The following WWOX variants were observed in gnomAD, a reference collection of about 807,000 sequenced individuals.
WWOX encodes WW domain-containing oxidoreductase.
In WWOX, 69 loss-of-function variants were observed where a neutral mutation model predicts 46.2. The observed-to-expected ratio is 1.49, with a 90% confidence interval of 1.23 to 1.82. The LOEUF is 1.82. Among genes scored for constraint, WWOX ranks in the 40% most tolerant of loss-of-function variants. The pLI is 0.00. For missense variants in WWOX, 919 were observed against 542.6 expected (o/e 1.69, Z -6.89); for synonymous variants, 359 against 202.6 (o/e 1.77, Z -6.56).
At chr16:78,554,673 T>C (rs1223595676) in intron 8 of WWOX, among the ~76,000 whole-genome samples, 1 of 152,172 alleles carries the variant, frequency 6.6e-6, no homozygotes, top group Non-Finnish European at 1.5e-5. Context: ...GCTTTTAAAA[T>C]GCTGCAGTTG....
At chr16:78,624,025 A>G (rs924753911) in intron 8 of WWOX, among the ~76,000 whole-genome samples, 1 of 152,188 alleles carries the variant, frequency 6.6e-6, no homozygotes, top group African/African-American at 2.4e-5. Context: ...ATAGATGAGG[A>G]AAGTAAGAAC....
At chr16:78,895,467 A>G (rs999557380) in intron 8 of WWOX, 9 of 152,238 alleles carry the variant, frequency 5.9e-5, no homozygotes, top group African/African-American at 2.2e-4. Context: ...ACGATGGCCT[A>G]GCTTCCATCC....
intron 5 of WWOX, among the ~76,000 whole-genome samples, chr16:78,313,846 T>C (rs1050987069): frequency 6.6e-6 from 1 of 152,194 alleles, no homozygotes; most frequent in African/African-American, 2.4e-5. Flanking sequence ...GCTCAGCATT[T>C]AGCTTCACTT....
At chr16:78,271,082 T>C (rs1455504208) in intron 5 of WWOX, among the ~76,000 whole-genome samples, 1 of 152,238 alleles carries the variant, frequency 6.6e-6, no homozygotes, top group East Asian at 1.9e-4. Flanking sequence ...TCTTTAGAAT[T>C]ACATCAACAT....
intron 8 of WWOX, among the ~76,000 whole-genome samples, chr16:78,936,132 G>A (rs1325350602): frequency 6.6e-6 from 1 of 152,070 alleles, no homozygotes; most frequent in African/African-American, 2.4e-5. Context: ...GTTTTGGTCT[G>A]GGAACCGGAG....
intron 8 of WWOX, among the ~76,000 whole-genome samples, chr16:78,643,198 T>C (rs1204529406): frequency 6.6e-6 from 1 of 152,204 alleles, no homozygotes; most frequent in Admixed American, 6.5e-5. Flanking sequence ...TCTTGCCCTC[T>C]TAATGTCTAA....
At position 78,976,058 on chromosome 16, in the gene WWOX, C is replaced by T. The variant is rs192754845; in HGVS notation, c.1057-235550C>T. Among the ~76,000 whole-genome samples the T allele has an allele frequency of 4.9e-4, 74 of 152,282 alleles. 1 individual carries two copies. Among genetic ancestry groups the T allele is most frequent in the African/African-American group, 1.8e-3 (73 of 41,550 alleles). ...TTTAGCCAGCGCCCCGCTCTGGGCT[C>T]CAGCAACATTAGGGCATTGTTATTC... is the stretch of plus-strand genomic sequence containing the variant. On this transcript the variant is annotated intron_variant, in intron 8 of 8. Transcript: ENST00000566780.
At chr16:78,106,998 G>C (rs1167494628) in intron 1 of WWOX, among the ~76,000 whole-genome samples, 1 of 152,192 alleles carries the variant, frequency 6.6e-6, no homozygotes, top group Non-Finnish European at 1.5e-5. Context: ...TTGTCAAACA[G>C]ACCAGAAGCC....
chr16:79,172,403 A>G lies in WWOX; in HGVS notation c.1057-39205A>G, dbSNP rs147954372. Among the ~76,000 whole-genome samples, 315 of 152,232 alleles carry G rather than the reference A, an allele frequency of 2.1e-3. No individual in the cohort carries two copies. In the Middle Eastern group the frequency reaches 0.027, roughly 13 times the overall value. On this transcript the variant is annotated intron_variant, in intron 8 of 8. Transcript: ENST00000566780. ...TTAAACCTGTATCTGAGTCACTTCA[A>G]TGCCTTGTGTTTCTGCTCTGGGCTG... is the stretch of plus-strand genomic sequence containing the variant.
At chr16:79,033,669 C>T (rs1197030700) in intron 8 of WWOX, among the ~76,000 whole-genome samples, 4 of 152,160 alleles carry the variant, frequency 2.6e-5, no homozygotes, top group African/African-American at 9.7e-5. Flanking sequence ...GAATGATTTT[C>T]ATCGTGCAAA....
intron 8 of WWOX, among the ~76,000 whole-genome samples, chr16:78,437,616 C>T (rs1050200720): frequency 4.6e-5 from 7 of 152,212 alleles, no homozygotes; most frequent in South Asian, 2.1e-4. Flanking sequence ...TGTATTGGGG[C>T]GTCCTGGGAG....
chr16:79,170,218 T>G (rs1194343600), intron 8 of WWOX, among the ~76,000 whole-genome samples: 1 of 152,226 alleles, frequency 6.6e-6, no homozygotes. Flanking sequence ...CTTTTGCACA[T>G]TTCTCCTTAC....
intron 6 of WWOX, among the ~76,000 whole-genome samples, chr16:78,408,497 G>A (rs2082600869): frequency 6.6e-6 from 1 of 152,154 alleles, no homozygotes; most frequent in South Asian, 2.1e-4. Context: ...TTGTCTGCAT[G>A]CCTAATTCTT....
intron 8 of WWOX, among the ~76,000 whole-genome samples, chr16:78,642,059 C>G (rs1365304543): frequency 1.3e-5 from 2 of 152,128 alleles, no homozygotes; most frequent in East Asian, 3.9e-4. Context: ...TTAAATACTC[C>G]AGTACATTGA....
chr16:78,526,260 T>C (rs2043465362), intron 8 of WWOX: 1 of 152,354 alleles, frequency 6.6e-6, no homozygotes. Context: ...AATTGCTTCA[T>C]GTGTTGTTGC....
At chr16:78,667,260 A>G (rs914768968) in intron 8 of WWOX, among the ~76,000 whole-genome samples, 1 of 152,188 alleles carries the variant, frequency 6.6e-6, no homozygotes, top group African/African-American at 2.4e-5. Context: ...ATCTTTCTAG[A>G]AGCAGAGCTG....
At chr16:78,202,729 T>G (rs957512721) in intron 5 of WWOX, among the ~76,000 whole-genome samples, 4 of 152,134 alleles carry the variant, frequency 2.6e-5, no homozygotes, top group Non-Finnish European at 4.4e-5. Flanking sequence ...CAGTTCTCTG[T>G]CTCTGTACTG....
At chr16:78,675,522 C>G (rs944059220) in intron 8 of WWOX, among the ~76,000 whole-genome samples, 13 of 152,150 alleles carry the variant, frequency 8.5e-5, no homozygotes, top group African/African-American at 3.1e-4. Context: ...ACTCATTTAA[C>G]CATTTCACAA....
intron 8 of WWOX, among the ~76,000 whole-genome samples, chr16:78,511,486 C>T (rs1174676396): frequency 1.3e-5 from 2 of 152,248 alleles, no homozygotes; most frequent in African/African-American, 4.8e-5. Flanking sequence ...CTTCAGAGGG[C>T]AGGCCTGTTG....
Sources: allele counts gnomAD v4.1 joint callset (sites outside exome capture counted in the v4.1 genomes callset), GRCh38; gene constraint gnomAD v4.1.1; transcripts MANE v1.5; gene names NCBI Gene and HGNC (gene_info 2026-07-23, HGNC 2026-07-21).